Variants in TTC13 observed in about 807,000 individuals in gnomAD.
The protein encoded by TTC13 is tetratricopeptide repeat protein 13.
A neutral mutation model predicts 120.0 loss-of-function variants in TTC13; 62 were observed. The ratio of observed to expected loss-of-function variants is 0.52; its 90% CI spans 0.42 to 0.64. The LOEUF (loss-of-function observed/expected upper bound fraction) is 0.64. Among genes scored for constraint, TTC13 ranks in the 30% least tolerant of loss-of-function variants. TTC13 has a pLI of 0.00. For missense variants in TTC13, 824 were observed against 1,050.2 expected (o/e 0.78, Z 2.98); for synonymous variants, 384 against 393.5 (o/e 0.98, Z 0.28).
intron 1 of TTC13, among the ~76,000 whole-genome samples, chr1:230,967,485 C>T (rs1416845832): frequency 6.6e-6 from 1 of 151,890 alleles, no homozygotes; most frequent in Non-Finnish European, 1.5e-5. Context: ...TAAGATGTTT[C>T]TATGATTTTT....
At chr1:230,909,476 C>CA (rs1671269856) in intron 20 of TTC13, among the ~76,000 whole-genome samples, 1 of 152,256 alleles carries the variant, frequency 6.6e-6, no homozygotes, top group South Asian at 2.1e-4. Flanking sequence ...AACAAAAATA[C>CA]AAAAAATTAT....
At chr1:230,955,593 C>A in intron 3 of TTC13, among the ~76,000 whole-genome samples, 1 of 147,818 alleles carries the variant, frequency 6.8e-6, no homozygotes, top group South Asian at 2.1e-4. Context: ...ATGGCATGAA[C>A]CCAGGAGGCG....
intron 15 of TTC13, 63 bp from the exon 16 acceptor site, chr1:230,921,567 C>G: frequency 1.3e-6 from 1 of 782,734 alleles, no homozygotes; most frequent in South Asian, 1.9e-5. Context: ...AAGCCAACAT[C>G]TAATTTCAAA....
chr1:230,945,314 T>C (rs1200871652), intron 5 of TTC13, 75 bp downstream of exon 5: 1 of 1,262,806 alleles, frequency 7.9e-7, no homozygotes, highest in African/African-American at 1.5e-5. Context: ...CAATGAACAG[T>C]AGCAGTTCTA....
intron 19 of TTC13, among the ~76,000 whole-genome samples, chr1:230,911,829 T>C (rs925866397): frequency 6.6e-6 from 1 of 152,230 alleles, no homozygotes; most frequent in Non-Finnish European, 1.5e-5. Context: ...ATTTGAAATG[T>C]CAAAATATAT....
chr1:230,925,540 A>C lies in TTC13; in HGVS notation c.1565T>G (p.Leu522Arg). 6.2e-7 allele frequency: 1 copy of C among 1,614,096 alleles called. No homozygotes were observed. ...ACCTCTGTGTATTCTCTTGTTTGGC[A>C]GGAAACCAGGTGTTTCATATTGCAT... is the stretch of plus-strand genomic sequence containing the variant. ...SLMQYETPGF[L>R]PNKRIHRAMG... The change falls in exon 13 of 23, where the codon CTG becomes CGG. Residue 522 changes from leucine (L) to arginine (R), a missense_variant. By Grantham distance (102) the Leu-to-Arg change is moderately radical. Transcript: ENST00000366661.
At position 230,915,905 on chromosome 1, in the gene TTC13, C is replaced by T. The variant is rs529885952; in HGVS notation, c.2093+288G>A. On this transcript the variant is annotated intron_variant, in intron 18 of 22. Coordinates refer to ENST00000366661, the MANE Select transcript of TTC13 (RefSeq NM_024525.5). ...TTTTATTAGTAAAAGCCTCCCTCGC[C>T]CCCCCAAGGAACTTCAAGAACCCAG... 3.1e-3 allele frequency among the ~76,000 whole-genome samples: 468 copies of T among 150,180 alleles called. 6 individuals carry two copies. Among genetic ancestry groups the T allele is most frequent in the African/African-American group, 0.011 (451 of 39,942 alleles).
intron 11 of TTC13, 69 bp from the exon 12 acceptor site, chr1:230,929,162 A>G: frequency 6.8e-7 from 1 of 1,471,366 alleles, no homozygotes; most frequent in Non-Finnish European, 9.3e-7. Flanking sequence ...GCTAGCTGCC[A>G]TACAAATACT....
chr1:230,925,593 A>T lies in TTC13; in HGVS notation c.1512T>A (p.Ile504=). The part of the protein sequence containing the change: ...ESYKPEVQEL[I]CVADRLGSLM... ...GGGATCCCAAACGATCAGCCACACA[A>T]ATCAGCTCCTGTACTTCAGGCTTAT... Residue 504 remains isoleucine (I), a synonymous_variant, in exon 13 of 23, where the codon ATT becomes ATA. Coordinates refer to ENST00000366661, the MANE Select transcript of TTC13 (RefSeq NM_024525.5). The T allele has an allele frequency of 1.2e-6, 2 of 1,614,144 alleles. No individual in the cohort carries two copies. Among genetic ancestry groups the T allele is most frequent in the Non-Finnish European group, 1.7e-6 (2 of 1,179,986 alleles).
At chr1:230,961,075 C>T (rs561110650) in intron 2 of TTC13, 134 bp downstream of exon 2, 18 of 607,312 alleles carry the variant, frequency 3.0e-5, no homozygotes, top group South Asian at 6.3e-5. Flanking sequence ...AAATACCAGA[C>T]GACCTATCTT....
chr1:230,943,089 G>A lies in TTC13; in HGVS notation c.672+717C>T, dbSNP rs367982359. On this transcript the variant is annotated intron_variant, in intron 6 of 22. Coordinates refer to ENST00000366661, the MANE Select transcript of TTC13 (RefSeq NM_024525.5). ...CAGAATGAACGCTTCCAAGGGCTGT[G>A]AATTCCAGTTTGACCTAACAGTCAT... is the stretch of plus-strand genomic sequence containing the variant. 2.0e-5 allele frequency among the ~76,000 whole-genome samples: 3 copies of A among 152,158 alleles called. No individual in the cohort carries two copies. The East Asian group carries it at 5.8e-4, about 29-fold the overall frequency.
Position 230,931,845 on chromosome 1 carries a change from C to T in TTC13, c.1016G>A (p.Ser339Asn). 6.2e-7 allele frequency: 1 copy of T among 1,614,156 alleles called. No individual in the cohort carries two copies. The highest frequency in any genetic ancestry group is 8.5e-7 in the Non-Finnish European group (1 of 1,180,028). The change falls in exon 10 of 23, where the codon AGC becomes AAC. Residue 339 changes from serine (S) to asparagine (N), a missense_variant. By Grantham distance (46) the Ser-to-Asn change is conservative (BLOSUM62 1). Transcript: ENST00000366661. The part of the protein sequence containing the change: ...ELGNFEAATE[S>N]FQKALLLNQN... ...GTTGAGCAACAGTGCCTTTTGAAAG[C>T]TCTCAGTGGCTGCTTCAAAATTGCC...
At chr1:230,975,444 T>C (rs1021185410) in intron 1 of TTC13, among the ~76,000 whole-genome samples, 4 of 152,140 alleles carry the variant, frequency 2.6e-5, no homozygotes, top group African/African-American at 9.7e-5. Context: ...AGAGTGTTTA[T>C]GACAATATAA....
chr1:230,923,414 G>C (rs1406019796), intron 15 of TTC13, among the ~76,000 whole-genome samples: 2 of 151,678 alleles, frequency 1.3e-5, no homozygotes, highest in Non-Finnish European at 2.9e-5. Flanking sequence ...TGTGTGTTGG[G>C]GTGGAATGGG....
In TTC13 at chr1:230,978,136, CG is replaced by C. The variant is rs915666761; in HGVS notation, c.271+423del. Among the ~76,000 whole-genome samples, 3 of 152,214 alleles carry C rather than the reference CG, an allele frequency of 2.0e-5. No individual in the cohort carries two copies. The highest frequency in any genetic ancestry group is 7.2e-5 in the African/African-American group (3 of 41,456). On this transcript the variant is annotated intron_variant, in intron 1 of 22. Transcript: ENST00000366661. This position sits in a 1 kb window ranked among gnomAD's most constrained non-coding sequence, Gnocchi z 5.6. ...CTAAGATGTGCCAGGCGTCTCCCTC[CG>C]GGGGCGGGCTCCGCAAGCCGCCGGG... is the stretch of plus-strand genomic sequence containing the variant.
intron 18 of TTC13, 128 bp from the exon 19 acceptor site, chr1:230,912,886 C>G: frequency 2.5e-6 from 2 of 807,954 alleles, no homozygotes; most frequent in Non-Finnish European, 3.8e-6. Context: ...TGTACCTTAC[C>G]TTTCTAACTA....
intron 1 of TTC13, among the ~76,000 whole-genome samples, chr1:230,976,272 G>C (rs12751006): frequency 0.23 from 34,515 of 152,042 alleles, 4,263 homozygotes; most frequent in Non-Finnish European, 0.28. Context: ...TGCTCAAATG[G>C]GTCTCCGGAT....
At chr1:230,969,041 G>A (rs1196218558) in intron 1 of TTC13, among the ~76,000 whole-genome samples, 1 of 152,160 alleles carries the variant, frequency 6.6e-6, no homozygotes, top group Non-Finnish European at 1.5e-5. Context: ...TTGGGAGGCT[G>A]AGGTGGGCGG....
In TTC13 at chr1:230,957,467, T is replaced by C. The variant is rs547973565; in HGVS notation, c.442+757A>G. Among the ~76,000 whole-genome samples the C allele has an allele frequency of 3.3e-5, 5 of 152,308 alleles. No homozygotes were observed. The South Asian group carries it at 1.0e-3, about 32-fold the overall frequency. ...GAAAGAAGCCAATATAAGGAGCACT[T>C]AGTCTTAATATCAAACGTGTATGAC... On this transcript the variant is annotated intron_variant, in intron 3 of 22. Transcript: ENST00000366661.
Sources: gnomAD v4.1 joint callset for allele counts (sites outside exome capture counted in the v4.1 genomes callset) on GRCh38, gnomAD v4.1.1 for gene constraint, Gnocchi (gnomAD v3.1) non-coding constraint, MANE v1.5 for transcripts, NCBI Gene and HGNC (gene_info 2026-07-23, HGNC 2026-07-21) for gene names.